The following EFCAB11 variants were observed in gnomAD, a reference collection of about 807,000 sequenced individuals.
EFCAB11 encodes EF-hand calcium binding domain 11, also known as EF-hand calcium-binding domain-containing protein 11.
A neutral mutation model predicts 23.0 loss-of-function variants in EFCAB11; 14 were observed. The observed-to-expected ratio is 0.61, with a 90% CI of 0.40 to 0.95. EFCAB11 has a LOEUF of 0.95. Among genes scored for constraint, EFCAB11 ranks in the 40% least tolerant of loss-of-function variants. The probability of loss-of-function intolerance (pLI) is 0.00; values close to 1 mark genes in which losing one functional copy is unlikely to be tolerated. For missense variants in EFCAB11, 198 were observed against 195.8 expected (o/e 1.01, Z -0.07); for synonymous variants, 65 against 66.6 (o/e 0.98, Z 0.11).
intron 5 of EFCAB11, among the ~76,000 whole-genome samples, chr14:89,890,853 T>C (rs1359403876): frequency 6.6e-6 from 1 of 152,174 alleles, no homozygotes; most frequent in East Asian, 1.9e-4. Flanking sequence ...TCCAGGACTT[T>C]GCCAATTTGG....
In EFCAB11 at chr14:89,887,955, T is replaced by C. The variant is rs147377230; in HGVS notation, c.410+43586A>G. Reference sequence around the variant, plus strand: ...AAAAAAATAATCTAAAGTATACTTGTAGAGAGGCAAGCTCTTAGTTATCAG... The same window carrying C: ...AAAAAAATAATCTAAAGTATACTTGCAGAGAGGCAAGCTCTTAGTTATCAG... On this transcript the variant is annotated intron_variant, in intron 5 of 5. Transcript: ENST00000316738. Among the ~76,000 whole-genome samples, 9 of 152,318 alleles carry C rather than the reference T, an allele frequency of 5.9e-5. No individual in the cohort carries two copies. The East Asian group carries it at 1.5e-3, about 26-fold the overall frequency.
chr14:89,830,692 C>T (rs1241055305), intron 5 of EFCAB11: 1 of 152,166 alleles, frequency 6.6e-6, no homozygotes, highest in Non-Finnish European at 1.5e-5. Context: ...TTATTTTGAA[C>T]AGTACTAGTT....
chr14:89,813,374 T>A (rs975474831), intron 5 of EFCAB11, among the ~76,000 whole-genome samples: 2 of 152,180 alleles, frequency 1.3e-5, no homozygotes, highest in African/African-American at 4.8e-5. Flanking sequence ...GGGTTATTTA[T>A]AAAGGAAAAT....
intron 5 of EFCAB11, among the ~76,000 whole-genome samples, chr14:89,806,390 C>T (rs1449749524): frequency 2.0e-5 from 3 of 152,130 alleles, no homozygotes; most frequent in Admixed American, 6.5e-5. Context: ...TATTCCTTCT[C>T]TATCAAGTGC....
intron 5 of EFCAB11, chr14:89,837,028 C>A (rs756104973): frequency 2.2e-6 from 1 of 456,160 alleles, no homozygotes; most frequent in African/African-American, 2.0e-5. Context: ...GCCTGAGAAT[C>A]TGCACAGGTG....
rs551772445 is a variant in EFCAB11 at position 89,919,767 on chromosome 14, T to C, written c.410+11774A>G. Reference sequence around the variant, plus strand: ...TCATCAGTAGCTTCAAGGGCTGGGGTAGGCAGAGGCAAGAGCGAGTGCAGG... The same window carrying C: ...TCATCAGTAGCTTCAAGGGCTGGGGCAGGCAGAGGCAAGAGCGAGTGCAGG... On this transcript the variant is annotated intron_variant, in intron 5 of 5. Coordinates refer to ENST00000316738, the MANE Select transcript of EFCAB11 (RefSeq NM_145231.4). 2.0e-5 allele frequency among the ~76,000 whole-genome samples: 3 copies of C among 152,160 alleles called. No individual in the cohort carries two copies. The South Asian group carries it at 6.2e-4, about 32-fold the overall frequency.
chr14:89,941,026 A>G (rs1009489385), intron 3 of EFCAB11, among the ~76,000 whole-genome samples: 1 of 152,222 alleles, frequency 6.6e-6, no homozygotes, highest in Non-Finnish European at 1.5e-5. Flanking sequence ...ACTGGTCTAC[A>G]TTGAGAAAAG....
chr14:89,871,759 C>T (rs192581702), intron 5 of EFCAB11, among the ~76,000 whole-genome samples: 12 of 152,306 alleles, frequency 7.9e-5, no homozygotes, highest in Admixed American at 5.2e-4. Context: ...TATTATCCTG[C>T]AATTTACACC....
intron 5 of EFCAB11, among the ~76,000 whole-genome samples, chr14:89,845,314 C>T (rs1420751524): frequency 1.3e-5 from 2 of 152,110 alleles, no homozygotes; most frequent in African/African-American, 4.8e-5. Context: ...CTGAAAGTAG[C>T]TTTCAGCAAA....
intron 5 of EFCAB11, among the ~76,000 whole-genome samples, chr14:89,878,154 C>T (rs1279471768): frequency 6.6e-6 from 1 of 152,084 alleles, no homozygotes; most frequent in Non-Finnish European, 1.5e-5. Flanking sequence ...GCAGGTGGGA[C>T]GTACTAAAAG....
intron 5 of EFCAB11, among the ~76,000 whole-genome samples, chr14:89,855,773 C>T (rs1887733001): frequency 6.6e-6 from 1 of 152,162 alleles, no homozygotes; most frequent in African/African-American, 2.4e-5. Flanking sequence ...CTGTATCTCC[C>T]CATTTCCTGG....
chr14:89,835,300 A>G (rs1887037163), intron 5 of EFCAB11, among the ~76,000 whole-genome samples: 1 of 152,154 alleles, frequency 6.6e-6, no homozygotes. Context: ...AGAGTTTCAG[A>G]TTTCTGATTT....
At chr14:89,854,252 G>A (rs899631619) in intron 5 of EFCAB11, among the ~76,000 whole-genome samples, 11 of 150,126 alleles carry the variant, frequency 7.3e-5, no homozygotes, top group African/African-American at 2.7e-4. Context: ...TTTTAAAGAG[G>A]CATTTAAGAT....
At chr14:89,931,296 A>G in intron 5 of EFCAB11, 1 of 456,636 alleles carries the variant, frequency 2.2e-6, no homozygotes, top group African/African-American at 2.0e-5. Flanking sequence ...GCCCCTACTC[A>G]TAAGTGCTTG....
intron 5 of EFCAB11, among the ~76,000 whole-genome samples, chr14:89,851,376 G>C (rs919451764): frequency 7.2e-5 from 11 of 152,202 alleles, no homozygotes; most frequent in African/African-American, 2.7e-4. Context: ...CAAGTCAAAT[G>C]AAGGGCTTCA....
At chr14:89,894,253 A>AT (rs752443292) in intron 5 of EFCAB11, among the ~76,000 whole-genome samples, 130 of 145,990 alleles carry the variant, frequency 8.9e-4, no homozygotes, top group Middle Eastern at 3.5e-3. Context: ...CCCAGCCTTG[A>AT]TTTTTTTTTT....
intron 3 of EFCAB11, among the ~76,000 whole-genome samples, chr14:89,936,403 G>A (rs1890583698): frequency 6.6e-6 from 1 of 152,128 alleles, no homozygotes; most frequent in Admixed American, 6.6e-5. Flanking sequence ...ACAGTCTTTA[G>A]CTTTTACTAG....
chr14:89,835,208 A>G (rs1200015732), intron 5 of EFCAB11, among the ~76,000 whole-genome samples: 1 of 152,236 alleles, frequency 6.6e-6, no homozygotes, highest in Non-Finnish European at 1.5e-5. Context: ...AGAACACAGC[A>G]GGATGCCCGG....
rs117850159 is a variant in EFCAB11, at chr14:89,815,060, G to A, written c.411-17736C>T. Reference sequence around the variant, plus strand: ...ATGGGATAAACTGTAGGATTAGGATGACTTTGGTGTGCAGTTAGCTTAAAC... The same window carrying A: ...ATGGGATAAACTGTAGGATTAGGATAACTTTGGTGTGCAGTTAGCTTAAAC... On this transcript the variant is annotated intron_variant, in intron 5 of 5. Coordinates refer to ENST00000316738, the MANE Select transcript of EFCAB11 (RefSeq NM_145231.4). 3.8e-3 allele frequency among the ~76,000 whole-genome samples: 576 copies of A among 152,320 alleles called. 3 individuals carry two copies. Among genetic ancestry groups the A allele is most frequent in the Middle Eastern group, 6.8e-3 (2 of 294 alleles).
Sources: allele counts gnomAD v4.1 joint callset (sites outside exome capture counted in the v4.1 genomes callset), GRCh38; gene constraint gnomAD v4.1.1; transcripts MANE v1.5; gene names NCBI Gene and HGNC (gene_info 2026-07-23, HGNC 2026-07-21).